ARID4B: variants seen among roughly 807,000 people sequenced by gnomAD.
The protein encoded by ARID4B is AT-rich interactive domain-containing protein 4B.
A neutral mutation model predicts 147.5 loss-of-function variants in ARID4B; 26 were observed. The observed-to-expected ratio is 0.18, with a 90% CI of 0.13 to 0.24. The LOEUF is 0.24. ARID4B is among the 10% of genes least tolerant of loss of function. The pLI is 1.00. For missense variants in ARID4B, 1,179 were observed against 1,511.5 expected, an observed-to-expected ratio of 0.78 and a Z score of 3.65; for synonymous variants, 512 against 507.9, an observed-to-expected ratio of 1.01 and a Z score of -0.11.
chr1:235,278,908 C>T (rs1393392197), intron 2 of ARID4B, among the ~76,000 whole-genome samples: 1 of 152,116 alleles, frequency 6.6e-6, no homozygotes, highest in Non-Finnish European at 1.5e-5. Flanking sequence ...GGACCAACAC[C>T]ATCAGCAACA....
chr1:235,173,808 A>ATATATG (rs1379668831), intron 22 of ARID4B, among the ~76,000 whole-genome samples: 15 of 78,550 alleles, frequency 1.9e-4, no homozygotes, highest in African/African-American at 7.7e-4. Context: ...ATATATATAT[A>ATATATG]TATATGTATA....
At chr1:235,290,888 G>A (rs544682671) in intron 2 of ARID4B, among the ~76,000 whole-genome samples, 5 of 152,320 alleles carry the variant, frequency 3.3e-5, no homozygotes, top group African/African-American at 1.2e-4. Flanking sequence ...TTGAGAGGAG[G>A]TGTTCAAGAA....
intron 9 of ARID4B, among the ~76,000 whole-genome samples, chr1:235,234,052 C>T (rs991771625): frequency 1.3e-4 from 20 of 152,284 alleles, no homozygotes; most frequent in African/African-American, 4.8e-4. Flanking sequence ...GCACTCCAGC[C>T]TGGGTGACAG....
At chr1:235,320,648 T>C (rs910089949) in intron 2 of ARID4B, among the ~76,000 whole-genome samples, 1 of 152,204 alleles carries the variant, frequency 6.6e-6, no homozygotes, top group African/African-American at 2.4e-5. Flanking sequence ...GTCCTTACCA[T>C]GTCCTATAAG....
intron 8 of ARID4B, among the ~76,000 whole-genome samples, chr1:235,235,333 C>T (rs373429446): frequency 9.3e-4 from 142 of 152,172 alleles, no homozygotes; most frequent in African/African-American, 3.2e-3. Flanking sequence ...TGGAGCAAAG[C>T]GTAGAGGTCT....
chr1:235,280,409 C>T (rs1231953349), intron 2 of ARID4B, among the ~76,000 whole-genome samples: 1 of 152,154 alleles, frequency 6.6e-6, no homozygotes, highest in Non-Finnish European at 1.5e-5. Flanking sequence ...TAACAAGAGA[C>T]GATCACTAAA....
At chr1:235,171,328 G>A (rs1663344494) in intron 23 of ARID4B, among the ~76,000 whole-genome samples, 2 of 152,126 alleles carry the variant, frequency 1.3e-5, no homozygotes, top group Non-Finnish European at 1.5e-5. Flanking sequence ...AGCCACTCGG[G>A]AGACTGAGGC....
At chr1:235,177,017 C>G (rs921966772) in intron 21 of ARID4B, 1 of 452,796 alleles carries the variant, frequency 2.2e-6, no homozygotes. Context: ...GATTGATGCA[C>G]GGAGTCGTTG....
intron 7 of ARID4B, among the ~76,000 whole-genome samples, chr1:235,241,446 T>C (rs903795319): frequency 2.6e-5 from 4 of 152,208 alleles, no homozygotes; most frequent in African/African-American, 9.6e-5. Context: ...TTTGATGCCT[T>C]TCCAAAAGTA....
intron 17 of ARID4B, among the ~76,000 whole-genome samples, chr1:235,201,200 G>A (rs1459473867): frequency 2.0e-5 from 3 of 152,030 alleles, no homozygotes; most frequent in Non-Finnish European, 4.4e-5. Context: ...GAAAGGAAGT[G>A]GCAAAGAGTG....
At chr1:235,236,744 C>T (rs1311357377) in intron 8 of ARID4B, among the ~76,000 whole-genome samples, 1 of 147,236 alleles carries the variant, frequency 6.8e-6, no homozygotes, top group Non-Finnish European at 1.5e-5. Flanking sequence ...AACTCCTGAC[C>T]TCAAGTGATC....
chr1:235,236,536 T>C (rs1005487104), intron 8 of ARID4B, among the ~76,000 whole-genome samples: 1 of 149,780 alleles, frequency 6.7e-6, no homozygotes, highest in African/African-American at 2.5e-5. Context: ...GTGTTTGAGA[T>C]GGGGTCTTGC....
At chr1:235,236,069 G>C (rs911538775) in intron 8 of ARID4B, among the ~76,000 whole-genome samples, 5 of 151,710 alleles carry the variant, frequency 3.3e-5, no homozygotes, top group Non-Finnish European at 7.4e-5. Context: ...TGGGACTACA[G>C]GCACAGGCCA....
intron 2 of ARID4B, among the ~76,000 whole-genome samples, chr1:235,270,327 C>A (rs1023021781): frequency 6.6e-6 from 1 of 152,060 alleles, no homozygotes; most frequent in African/African-American, 2.4e-5. Context: ...CAACCCCTTC[C>A]CAAAACACGA....
intron 20 of ARID4B, chr1:235,181,156 A>G (rs1327594916): frequency 2.9e-6 from 3 of 1,037,392 alleles, no homozygotes; most frequent in Non-Finnish European, 3.5e-6. Flanking sequence ...AAACCCCTAC[A>G]TACAGTATTT....
At chr1:235,187,728 T>C (rs967134366) in intron 19 of ARID4B, among the ~76,000 whole-genome samples, 21 of 152,200 alleles carry the variant, frequency 1.4e-4, no homozygotes, top group Non-Finnish European at 2.9e-5. Flanking sequence ...ACATATGCAT[T>C]CATATGATGA....
chr1:235,318,407 C>A (rs1053626135), intron 2 of ARID4B, among the ~76,000 whole-genome samples: 1 of 151,916 alleles, frequency 6.6e-6, no homozygotes, highest in African/African-American at 2.4e-5. Context: ...CTCCTGACAT[C>A]GTGATCCACC....
chr1:235,327,026 G>A (rs1029597205), intron 1 of ARID4B, 58 bp from the exon 2 acceptor site: 18 of 1,208,552 alleles, frequency 1.5e-5, no homozygotes, highest in South Asian at 3.8e-5. Context: ...TGCACTGGCG[G>A]AGGCGGAGGG....
Position 235,194,084 on chromosome 1 carries a change from G to C in ARID4B, c.2054C>G (p.Thr685Ser). 3 of 1,613,172 alleles carry C rather than the reference G, an allele frequency of 1.9e-6. No homozygotes were observed. The highest frequency in any genetic ancestry group is 2.5e-6 in the Non-Finnish European group (3 of 1,179,192). Residue 685 changes from threonine to serine, a missense_variant, in exon 19 of 24, where the codon ACT (threonine) becomes AGT (serine). By Grantham distance (58) the Thr-to-Ser change is moderately conservative. Coordinates refer to ENST00000264183, the MANE Select transcript of ARID4B (RefSeq NM_016374.6). The stretch of plus-strand genomic sequence containing the variant: ...AGCAGTATCAGAGTTTTTGGCATCA[G>C]TGAGATCCAGTTTGGATACCATTTC... ...SPEMVSKLDL[T>S]DAKNSDTAHI...
Sources: gnomAD v4.1 joint callset for allele counts (sites outside exome capture counted in the v4.1 genomes callset) on GRCh38, gnomAD v4.1.1 for gene constraint, MANE v1.5 for transcripts, NCBI Gene and HGNC (gene_info 2026-07-23, HGNC 2026-07-21) for gene names.